Variants in PIKFYVE observed in about 807,000 individuals in gnomAD.
PIKFYVE encodes 1-phosphatidylinositol 3-phosphate 5-kinase.
Under a neutral mutation model 257.9 loss-of-function variants are expected in PIKFYVE, and 122 were observed. The observed-to-expected ratio is 0.47, with a 90% CI of 0.41 to 0.55. The LOEUF (loss-of-function observed/expected upper bound fraction) is 0.55. PIKFYVE is among the 20% of genes least tolerant of loss of function. PIKFYVE has a pLI of 0.00. For synonymous variants in PIKFYVE, 892 were observed against 868.9 expected (o/e 1.03, Z -0.47); for missense variants, 2,160 against 2,536.6 (o/e 0.85, Z 3.19).
intron 36 of PIKFYVE, among the ~76,000 whole-genome samples, chr2:208,350,404 G>A (rs938778915): frequency 3.3e-5 from 5 of 152,122 alleles, no homozygotes; most frequent in East Asian, 3.9e-4. Flanking sequence ...TGCCAGAAAC[G>A]TATTATCCAG....
chr2:208,290,334 T>G (rs977650718), intron 7 of PIKFYVE, among the ~76,000 whole-genome samples: 1 of 152,198 alleles, frequency 6.6e-6, no homozygotes, highest in Admixed American at 6.5e-5. Context: ...GTCTCCATAG[T>G]TTTACTTTTC....
At chr2:208,293,339 AAAAAG>A (rs985193296) in intron 7 of PIKFYVE, among the ~76,000 whole-genome samples, 8 of 152,314 alleles carry the variant, frequency 5.3e-5, no homozygotes, top group East Asian at 3.9e-4. Context: ...TAAGAGTAAG[AAAAAG>A]AAAAGTTTTT....
At chr2:208,267,705 C>G (rs55849328) in intron 1 of PIKFYVE, among the ~76,000 whole-genome samples, 3,892 of 152,164 alleles carry the variant, frequency 0.026, 43 homozygotes, top group Middle Eastern at 0.037. Context: ...CGGGGTTTCA[C>G]CATGTTAGCG....
intron 7 of PIKFYVE, among the ~76,000 whole-genome samples, chr2:208,290,246 T>C (rs1692131484): frequency 6.6e-6 from 1 of 152,264 alleles, no homozygotes; most frequent in East Asian, 1.9e-4. Context: ...ATAGTTCCTC[T>C]GCCCAAAAAG....
At chr2:208,342,953 C>T (rs193059266) in intron 32 of PIKFYVE, among the ~76,000 whole-genome samples, 37 of 152,082 alleles carry the variant, frequency 2.4e-4, no homozygotes, top group Middle Eastern at 6.8e-3. Flanking sequence ...CACCACCATG[C>T]CCAGCTAATT....
intron 4 of PIKFYVE, 40 bp downstream of exon 4, chr2:208,276,870 T>G (rs766896135): frequency 1.3e-6 from 2 of 1,517,154 alleles, no homozygotes; most frequent in East Asian, 4.5e-5. Context: ...TATTAAGCGC[T>G]TATGGGGATC....
At chr2:208,337,027 A>G in intron 28 of PIKFYVE, 99 bp downstream of exon 28, 1 of 879,066 alleles carries the variant, frequency 1.1e-6, no homozygotes, top group Middle Eastern at 3.2e-4. Flanking sequence ...TACTTTAGTA[A>G]TGATATCCAG....
intron 2 of PIKFYVE, among the ~76,000 whole-genome samples, chr2:208,272,869 C>G (rs998146085): frequency 4.6e-5 from 7 of 152,036 alleles, no homozygotes; most frequent in Non-Finnish European, 1.0e-4. Context: ...CGTATACTCC[C>G]ATACCCAGTT....
Position 208,315,362 on chromosome 2 carries a change from C to G in PIKFYVE, c.1996C>G (p.His666Asp). The change falls in exon 15 of 42, where the codon CAC (histidine) becomes GAC (aspartate). Residue 666 changes from histidine to aspartate, a missense_variant. Physicochemically the swap from His to Asp is moderately conservative, Grantham distance 81. Around this residue, in one of 12 missense-constraint regions of PIKFYVE, gnomAD observed 346 missense variants for 365.6 expected, o/e 0.95. Transcript: ENST00000264380. ...TGACATGGATATCCGTCAGTTTGTC[C>G]ACATCAAAAAAGTGAGCTCTGCTAA... ...DDDMDIRQFV[H>D]IKKIPGGKKF... 1 of 1,614,008 alleles carries G rather than the reference C, an allele frequency of 6.2e-7. No individual in the cohort carries two copies. Among genetic ancestry groups the G allele is most frequent in the Non-Finnish European group, 8.5e-7 (1 of 1,179,950 alleles).
intron 38 of PIKFYVE, 71 bp from the exon 39 acceptor site, chr2:208,352,583 A>G: frequency 6.5e-7 from 1 of 1,535,966 alleles, no homozygotes; most frequent in Non-Finnish European, 8.9e-7. Flanking sequence ...TACATGGATA[A>G]TCCTTATATT....
intron 35 of PIKFYVE, among the ~76,000 whole-genome samples, chr2:208,349,691 T>C (rs954400394): frequency 4.0e-5 from 6 of 151,894 alleles, no homozygotes; most frequent in African/African-American, 7.2e-5. Flanking sequence ...ATGGGGAAAA[T>C]AGTCATAATA....
intron 23 of PIKFYVE, 149 bp from the exon 24 acceptor site, chr2:208,333,166 G>A (rs997439821): frequency 4.2e-6 from 3 of 719,328 alleles, no homozygotes; most frequent in Non-Finnish European, 6.6e-6. Context: ...CCTGAGAGGC[G>A]GAGCTTGCAG....
intron 7 of PIKFYVE, among the ~76,000 whole-genome samples, chr2:208,290,452 T>C (rs898018954): frequency 6.6e-6 from 1 of 152,252 alleles, no homozygotes; most frequent in Non-Finnish European, 1.5e-5. Context: ...CATAGCTTGA[T>C]AGCTCATTTC....
intron 7 of PIKFYVE, among the ~76,000 whole-genome samples, chr2:208,289,826 C>T (rs1692064574): frequency 6.6e-6 from 1 of 152,170 alleles, no homozygotes; most frequent in African/African-American, 2.4e-5. Context: ...CCTCGGACTC[C>T]TAAAGTGCTG....
rs750959225 is a variant in PIKFYVE, at chr2:208,301,026, G to C, written c.1140G>C (p.Thr380=). 8 of 1,614,114 alleles carry C rather than the reference G, an allele frequency of 5.0e-6. No individual in the cohort carries two copies. The highest frequency in any genetic ancestry group is 6.8e-6 in the Non-Finnish European group (8 of 1,179,980). The change falls in exon 9 of 42, where the codon ACG becomes ACC. Residue 380 remains threonine (T), a synonymous_variant. Transcript: ENST00000264380. ...AGGATCACCGCTACTGGTTGAGAAC[G>C]CATCCCAACTGCATTGTAGGAAAGG... The part of the protein sequence containing the change: ...EFQDHRYWLR[T]HPNCIVGKEL...
chr2:208,279,164 A>G (rs570925656), intron 5 of PIKFYVE, among the ~76,000 whole-genome samples: 27 of 152,254 alleles, frequency 1.8e-4, no homozygotes, highest in Middle Eastern at 3.4e-3. Flanking sequence ...ATTGATGTGG[A>G]ACATTTTTTC....
intron 16 of PIKFYVE, among the ~76,000 whole-genome samples, chr2:208,319,717 T>C (rs1245914700): frequency 6.6e-6 from 1 of 152,226 alleles, no homozygotes; most frequent in Non-Finnish European, 1.5e-5. Context: ...TCTCTGCTTC[T>C]TGAGATGCTT....
intron 9 of PIKFYVE, among the ~76,000 whole-genome samples, chr2:208,301,814 TG>T (rs559861920): frequency 5.7e-4 from 87 of 152,332 alleles, no homozygotes; most frequent in African/African-American, 2.0e-3. Context: ...ATATAATGTA[TG>T]GTGTCATTAA....
chr2:208,301,003 G>C lies in PIKFYVE; in HGVS notation c.1117G>C (p.Asp373His). ...CHHSSGMEFQ[D>H]HRYWLRTHPN... ...TCACAGCAGTGGAATGGAGTTTCAGGATCACCGCTACTGGTTGAGAACGCA... is the reference window on the plus strand; with the variant it reads ...TCACAGCAGTGGAATGGAGTTTCAGCATCACCGCTACTGGTTGAGAACGCA... The change falls in exon 9 of 42, where the codon GAT becomes CAT. Residue 373 changes from aspartate to histidine, a missense_variant. Asp to His is a moderately conservative substitution (Grantham distance 81). Transcript: ENST00000264380. 1.2e-6 allele frequency: 2 copies of C among 1,614,164 alleles called. No homozygotes were observed.
Sources: allele counts gnomAD v4.1 joint callset (sites outside exome capture counted in the v4.1 genomes callset), GRCh38; gene constraint gnomAD v4.1.1; regional missense constraint gnomAD v4.1.1; transcripts MANE v1.5; gene names NCBI Gene and HGNC (gene_info 2026-07-23, HGNC 2026-07-21).